Variants in PMPCB observed in about 807,000 individuals in gnomAD.
PMPCB encodes peptidase, mitochondrial processing subunit beta.
In PMPCB, 46 loss-of-function variants were observed where a neutral mutation model predicts 61.5. The observed-to-expected ratio is 0.75, with a 90% CI of 0.59 to 0.96. The LOEUF (loss-of-function observed/expected upper bound fraction) is 0.96, where lower values mean the gene tolerates loss of function less well. Among genes scored for constraint, PMPCB ranks in the 40% least tolerant of loss-of-function variants. The pLI, the probability that PMPCB is intolerant of heterozygous loss-of-function variation, is 0.00. For missense variants in PMPCB, 590 were observed against 602.4 expected, an observed-to-expected ratio of 0.98 and a Z score of 0.22; for synonymous variants, 191 against 201.6, an observed-to-expected ratio of 0.95 and a Z score of 0.44.
Position 103,297,457 on chromosome 7 carries a change from G to T in PMPCB, c.-3G>T, listed in dbSNP as rs771831705. ...TTCATCCTCTACCTTCCTTCTAGCAGAAATGGCGGCTGCGGCGGCTCGAGT... is the reference window on the plus strand; with the variant it reads ...TTCATCCTCTACCTTCCTTCTAGCATAAATGGCGGCTGCGGCGGCTCGAGT... On this transcript the variant is annotated 5_prime_UTR_variant, in exon 1 of 13. Transcript: ENST00000249269. 110 of 1,546,728 alleles carry T rather than the reference G, an allele frequency of 7.1e-5. No individual in the cohort carries two copies. The highest frequency in any genetic ancestry group is 9.2e-5 in the Non-Finnish European group (106 of 1,145,998).
intron 12 of PMPCB, chr7:103,327,363 G>C (rs2115945768): frequency 1.6e-6 from 2 of 1,270,756 alleles, no homozygotes; most frequent in South Asian, 1.3e-5. Flanking sequence ...CTTCTGATAA[G>C]AATCACCTGG....
chr7:103,310,626 G>T, intron 9 of PMPCB, 151 bp downstream of exon 9: 1 of 479,598 alleles, frequency 2.1e-6, no homozygotes, highest in Non-Finnish European at 3.5e-6. Flanking sequence ...AAAGGTTGCA[G>T]TTGGTTTTTC....
intron 7 of PMPCB, among the ~76,000 whole-genome samples, chr7:103,307,936 ATTCTAGTCTGAAAGG>A (rs1817632438): frequency 6.6e-6 from 1 of 152,122 alleles, no homozygotes; most frequent in Non-Finnish European, 1.5e-5. Context: ...AAATTTCTCC[ATTCTAGTCTGAAAGG>A]AAGCAAAGTT....
chr7:103,313,042 A>G lies in PMPCB; in HGVS notation c.*771A>G. The G allele has an allele frequency of 2.5e-6, 4 of 1,614,052 alleles. No individual in the cohort carries two copies. Among genetic ancestry groups the G allele is most frequent in the Non-Finnish European group, 3.4e-6 (4 of 1,179,952 alleles). On this transcript the variant is annotated 3_prime_UTR_variant, in exon 13 of 13. Coordinates refer to ENST00000249269, the MANE Select transcript of PMPCB (RefSeq NM_004279.3). Reference sequence around the variant, plus strand: ...GGTGTATTTACTGGGTATGTTTTCAAAGCTTGTTCCAAAAGCTTCTGTTCT... The same window carrying G: ...GGTGTATTTACTGGGTATGTTTTCAGAGCTTGTTCCAAAAGCTTCTGTTCT...
chr7:103,319,686 A>G (rs374725378), downstream of PMPCB: 6 of 1,613,870 alleles, frequency 3.7e-6, no homozygotes, highest in Non-Finnish European at 5.1e-6. Context: ...AAGCTAAAGA[A>G]AAAAAAAGAA....
chr7:103,320,178 T>C (rs1354725095), intron 12 of PMPCB, among the ~76,000 whole-genome samples: 1 of 152,044 alleles, frequency 6.6e-6, no homozygotes, highest in African/African-American at 2.4e-5. Context: ...AACCTCCACC[T>C]CCCGGGTTCA....
At position 103,322,722 on chromosome 7, in the gene PMPCB, G is replaced by A. The variant is rs1461508682; in HGVS notation, c.*1432-6209G>A. 5 of 1,611,932 alleles carry A rather than the reference G, an allele frequency of 3.1e-6. No homozygotes were observed. In the Admixed American group the frequency reaches 8.3e-5, roughly 27 times the overall value. ...ACTTACCAACTAATGTTCTTATTCT[G>A]TTCATTTCTTCTTTTTTTCTTTGTG... On this transcript the variant is annotated intron_variant and NMD_transcript_variant, in intron 12 of 12. Coordinates refer to the PMPCB transcript ENST00000444457.
intron 12 of PMPCB, chr7:103,327,472 G>A (rs1311596881): frequency 2.9e-6 from 2 of 697,346 alleles, no homozygotes; most frequent in African/African-American, 3.6e-5. Context: ...CTGCTGGCTG[G>A]GGACACCTCA....
chr7:103,316,771 G>C, downstream of PMPCB: 1 of 1,396,928 alleles, frequency 7.2e-7, no homozygotes, highest in Middle Eastern at 1.9e-4. Flanking sequence ...TTTGGAGTCT[G>C]TCTACATTAT....
intron 12 of PMPCB, chr7:103,322,186 G>A: frequency 1.1e-6 from 1 of 875,652 alleles, no homozygotes; most frequent in Non-Finnish European, 1.6e-6. Context: ...TAGGAAAAAA[G>A]GCAACATAAA....
At chr7:103,303,324 C>T (rs142632553) in intron 4 of PMPCB, among the ~76,000 whole-genome samples, 2 of 152,230 alleles carry the variant, frequency 1.3e-5, no homozygotes, top group African/African-American at 2.4e-5. Context: ...GGCATGTTCC[C>T]CAGGTTGGTC....
chr7:103,316,148 C>T, downstream of PMPCB: 2 of 1,096,520 alleles, frequency 1.8e-6, no homozygotes, highest in Non-Finnish European at 2.6e-6. Context: ...AATGAAACGA[C>T]AAAAACCATT....
At chr7:103,323,126 C>T (rs981640061) in intron 12 of PMPCB, among the ~76,000 whole-genome samples, 12 of 152,054 alleles carry the variant, frequency 7.9e-5, no homozygotes, top group African/African-American at 2.4e-4. Context: ...GACAGGGTTT[C>T]GCCATGTTGG....
chr7:103,310,641 G>T, intron 9 of PMPCB, 166 bp downstream of exon 9: 1 of 431,084 alleles, frequency 2.3e-6, no homozygotes, highest in Non-Finnish European at 4.0e-6. Context: ...TTTTTCCTAA[G>T]TCTCAAGATG....
chr7:103,331,015 A>G (rs567651952), downstream of PMPCB, among the ~76,000 whole-genome samples: 14 of 151,892 alleles, frequency 9.2e-5, no homozygotes, highest in African/African-American at 3.4e-4. Flanking sequence ...CTGGCATGCA[A>G]TGGCACAATC....
At chr7:103,344,711 C>T in the PMPCB span, 246 of 1,381,946 alleles carry the variant, frequency 1.8e-4, 5 homozygotes, top group Middle Eastern at 2.0e-3. Flanking sequence ...CCTCTCACTC[C>T]GAGCCTCGCG....
At chr7:103,325,727 T>C (rs1250877635) in intron 12 of PMPCB, among the ~76,000 whole-genome samples, 2 of 149,324 alleles carry the variant, frequency 1.3e-5, no homozygotes, top group Non-Finnish European at 2.9e-5. Flanking sequence ...AAAAAAAAGA[T>C]GTAAAATAAT....
At chr7:103,329,284 GA>G in exon 13 of PMPCB, 1 of 187,018 alleles carries the variant, frequency 5.3e-6, no homozygotes, top group Non-Finnish European at 1.1e-5. Flanking sequence ...CCATTTCATA[GA>G]TGAGGAAAAT....
intron 8 of PMPCB, among the ~76,000 whole-genome samples, chr7:103,309,490 T>C (rs1361767809): frequency 1.3e-5 from 2 of 152,202 alleles, no homozygotes; most frequent in African/African-American, 4.8e-5. Flanking sequence ...TTTTTTTTGG[T>C]CACTTCCTAA....
Sources: allele counts gnomAD v4.1 joint callset (sites outside exome capture counted in the v4.1 genomes callset), GRCh38; gene constraint gnomAD v4.1.1; transcripts MANE v1.5; gene names NCBI Gene and HGNC (gene_info 2026-07-23, HGNC 2026-07-21).